Variants in CCSER1 observed in about 807,000 individuals in gnomAD.
The protein encoded by CCSER1 is coiled-coil serine rich protein 1.
Under a neutral mutation model 82.0 loss-of-function variants are expected in CCSER1, and 41 were observed. The observed-to-expected ratio is 0.50, with a 90% confidence interval of 0.39 to 0.65. CCSER1 has a LOEUF of 0.65. Ranked by LOEUF, CCSER1 falls within the 30% of genes least tolerant of loss-of-function variation. The pLI is 0.00. For synonymous variants in CCSER1, 414 were observed against 383.9 expected (o/e 1.08, Z -0.92); for missense variants, 1,119 against 1,064.2 (o/e 1.05, Z -0.72).
chr4:90,502,452 A>G (rs1458088368), intron 5 of CCSER1, among the ~76,000 whole-genome samples: 2 of 152,214 alleles, frequency 1.3e-5, no homozygotes, highest in Admixed American at 1.3e-4. Context: ...TTTCAATTCA[A>G]CATGAGATTT....
intron 9 of CCSER1, among the ~76,000 whole-genome samples, chr4:91,079,726 CA>C (rs1722475824): frequency 6.6e-6 from 1 of 152,144 alleles, no homozygotes; most frequent in Non-Finnish European, 1.5e-5. Flanking sequence ...GCAGGAAGAT[CA>C]ACCAAGCAAA....
chr4:90,171,247 A>C (rs1325179504), intron 1 of CCSER1, among the ~76,000 whole-genome samples: 1 of 151,754 alleles, frequency 6.6e-6, no homozygotes, highest in African/African-American at 2.4e-5. Context: ...CACAAGTGTA[A>C]AAAATTTATA....
intron 10 of CCSER1, among the ~76,000 whole-genome samples, chr4:91,301,582 A>G (rs1327667045): frequency 6.6e-6 from 1 of 151,186 alleles, no homozygotes; most frequent in African/African-American, 2.4e-5. Flanking sequence ...AGAGGGATAT[A>G]TTAAGTAAGA....
chr4:91,547,524 A>G (rs950934824), intron 10 of CCSER1, among the ~76,000 whole-genome samples: 2 of 152,158 alleles, frequency 1.3e-5, no homozygotes, highest in Non-Finnish European at 2.9e-5. Context: ...GTATTGGCAT[A>G]GTATACCTTC....
chr4:90,910,126 A>T (rs722123), intron 8 of CCSER1, among the ~76,000 whole-genome samples: 8,118 of 152,200 alleles, frequency 0.053, 316 homozygotes, highest in Admixed American at 0.12. Context: ...AAGAGAGAGC[A>T]AAGTGGGAAG....
intron 9 of CCSER1, among the ~76,000 whole-genome samples, chr4:91,043,940 A>G (rs1468915963): frequency 6.6e-6 from 1 of 152,172 alleles, no homozygotes; most frequent in Non-Finnish European, 1.5e-5. Flanking sequence ...AAGATGGTTA[A>G]AGTTCTGGGG....
intron 4 of CCSER1, among the ~76,000 whole-genome samples, chr4:90,467,451 T>C (rs1404815947): frequency 2.0e-5 from 3 of 151,434 alleles, no homozygotes; most frequent in Non-Finnish European, 4.4e-5. Flanking sequence ...TTTGGGAGGC[T>C]GAGGCGGGCC....
At chr4:90,874,039 T>A (rs192902769) in intron 8 of CCSER1, among the ~76,000 whole-genome samples, 271 of 152,280 alleles carry the variant, frequency 1.8e-3, no homozygotes, top group South Asian at 8.9e-3. Context: ...AGAATGCTAA[T>A]GTAATGATAA....
chr4:91,034,494 C>T (rs1319520461), intron 9 of CCSER1, among the ~76,000 whole-genome samples: 7 of 152,008 alleles, frequency 4.6e-5, no homozygotes, highest in African/African-American at 7.2e-5. Flanking sequence ...ACTTTTAAAC[C>T]ACTTTACACA....
chr4:90,574,594 T>C lies in CCSER1; in HGVS notation c.1725-53431T>C, dbSNP rs74288572. 3.2e-4 allele frequency among the ~76,000 whole-genome samples: 48 copies of C among 151,940 alleles called. No homozygotes were observed. In the East Asian group the frequency reaches 8.9e-3, roughly 28 times the overall value. On this transcript the variant is annotated intron_variant, in intron 5 of 10. Transcript: ENST00000509176. Reference sequence around the variant, plus strand: ...GAAACACATTAATTTTTAAACTAAATTTGTAGGGTGTTATCAGCATTGTGA... The same window carrying C: ...GAAACACATTAATTTTTAAACTAAACTTGTAGGGTGTTATCAGCATTGTGA...
intron 1 of CCSER1, among the ~76,000 whole-genome samples, chr4:90,220,826 A>G (rs1021096269): frequency 3.3e-5 from 5 of 152,208 alleles, no homozygotes; most frequent in Non-Finnish European, 5.9e-5. Flanking sequence ...TAGATGTATC[A>G]TTGCACCACA....
intron 10 of CCSER1, among the ~76,000 whole-genome samples, chr4:91,446,685 A>ATATG (rs1426519219): frequency 6.8e-6 from 1 of 146,804 alleles, no homozygotes; most frequent in Non-Finnish European, 1.5e-5. Context: ...AAATATATAT[A>ATATG]TATATATAAT....
At chr4:90,171,105 C>G (rs1285493906) in intron 1 of CCSER1, among the ~76,000 whole-genome samples, 1 of 150,428 alleles carries the variant, frequency 6.6e-6, no homozygotes, top group East Asian at 1.9e-4. Flanking sequence ...TCTCATGTAC[C>G]CCATAAATAT....
At chr4:90,538,218 A>C in intron 5 of CCSER1, among the ~76,000 whole-genome samples, 1 of 152,112 alleles carries the variant, frequency 6.6e-6, no homozygotes, top group East Asian at 1.9e-4. Flanking sequence ...TGGGGGTTGC[A>C]GCAGGAGACA....
At chr4:90,585,545 CTAAT>C (rs1222765998) in intron 5 of CCSER1, among the ~76,000 whole-genome samples, 1 of 152,122 alleles carries the variant, frequency 6.6e-6, no homozygotes, top group African/African-American at 2.4e-5. Flanking sequence ...ATAAACCTAG[CTAAT>C]TAATATTATA....
chr4:90,513,151 G>GT (rs1771789196), intron 5 of CCSER1, among the ~76,000 whole-genome samples: 2 of 152,152 alleles, frequency 1.3e-5, no homozygotes, highest in Non-Finnish European at 2.9e-5. Context: ...AGTCTACTTA[G>GT]CATGGTTTTA....
chr4:90,127,518 C>G lies in CCSER1; in HGVS notation c.-355C>G, dbSNP rs1721989771. On this transcript the variant is annotated 5_prime_UTR_variant, in exon 1 of 11. Transcript: ENST00000509176. ...TCCCCTGCCCTCCTCTTGCTCTGCT[C>G]TTCTCTCCCTCACCACAAATAGTCG... 1 of 153,110 alleles carries G rather than the reference C, an allele frequency of 6.5e-6. No homozygotes were observed. The highest frequency in any genetic ancestry group is 1.5e-5 in the Non-Finnish European group (1 of 68,626). The allele number at this position is 153,110 out of a possible 1,614,324, so 9.5% of individuals were successfully genotyped here.
At chr4:90,533,053 C>A (rs1399609532) in intron 5 of CCSER1, among the ~76,000 whole-genome samples, 1 of 150,530 alleles carries the variant, frequency 6.6e-6, no homozygotes, top group Non-Finnish European at 1.5e-5. Context: ...TTGCATTTAC[C>A]CACAAATTTG....
chr4:91,083,044 A>C (rs1458392124), intron 9 of CCSER1, among the ~76,000 whole-genome samples: 1 of 152,230 alleles, frequency 6.6e-6, no homozygotes, highest in Non-Finnish European at 1.5e-5. Context: ...CATTTGACCC[A>C]GCCATCCCAT....
Sources: gnomAD v4.1 joint callset for allele counts (sites outside exome capture counted in the v4.1 genomes callset) on GRCh38, gnomAD v4.1.1 for gene constraint, MANE v1.5 for transcripts, NCBI Gene and HGNC (gene_info 2026-07-23, HGNC 2026-07-21) for gene names.